Variants in SLC25A48 observed in about 807,000 individuals in gnomAD.
SLC25A48 encodes solute carrier family 25 member 48.
In SLC25A48, 29 loss-of-function variants were observed where a neutral mutation model predicts 32.2. The ratio of observed to expected loss-of-function variants is 0.90; its 90% CI spans 0.67 to 1.23. SLC25A48 has a LOEUF of 1.23. SLC25A48 is among the 50% of genes most tolerant of loss of function. The probability of loss-of-function intolerance (pLI) is 0.00; values close to 1 mark genes in which losing one functional copy is unlikely to be tolerated. For missense variants in SLC25A48, 399 were observed against 422.7 expected, an observed-to-expected ratio of 0.94 and a Z score of 0.49; for synonymous variants, 164 against 172.3, an observed-to-expected ratio of 0.95 and a Z score of 0.38.
At chr5:135,880,137 A>G (rs1762358834) in intron 7 of SLC25A48, 40 bp downstream of exon 7, 10 of 1,498,654 alleles carry the variant, frequency 6.7e-6, no homozygotes, top group Non-Finnish European at 8.8e-6. Context: ...GCCTCCCAGG[A>G]ACTTGAAACT....
intron 3 of SLC25A48, 91 bp from the exon 4 acceptor site, chr5:135,852,472 A>G: frequency 7.0e-7 from 1 of 1,424,002 alleles, no homozygotes; most frequent in Non-Finnish European, 9.6e-7. Context: ...ACACATGGGC[A>G]GATGTGTCCG....
intron 3 of SLC25A48, among the ~76,000 whole-genome samples, chr5:135,767,269 G>C (rs1372006220): frequency 6.6e-6 from 1 of 151,690 alleles, no homozygotes; most frequent in Non-Finnish European, 1.5e-5. Flanking sequence ...TCTTCATATG[G>C]TTCGTAATGT....
chr5:135,851,998 A>G (rs1309200778), intron 3 of SLC25A48, among the ~76,000 whole-genome samples: 7 of 152,140 alleles, frequency 4.6e-5, no homozygotes, highest in African/African-American at 1.7e-4. Context: ...TCGGGGGTCT[A>G]GGGAACCCCT....
intron 1 of SLC25A48, among the ~76,000 whole-genome samples, chr5:135,588,366 G>T (rs1047975577): frequency 3.3e-5 from 5 of 152,222 alleles, no homozygotes; most frequent in African/African-American, 1.2e-4. Flanking sequence ...GCCATCCTTG[G>T]CCTGAAATGG....
chr5:135,623,795 G>A (rs2126900899), intron 1 of SLC25A48, among the ~76,000 whole-genome samples: 1 of 152,310 alleles, frequency 6.6e-6, no homozygotes, highest in East Asian at 1.9e-4. Flanking sequence ...TCACTCAACA[G>A]TGTGTGGTGC....
intron 3 of SLC25A48, among the ~76,000 whole-genome samples, chr5:135,755,467 C>T (rs2127012304): frequency 6.6e-6 from 1 of 151,590 alleles, no homozygotes; most frequent in South Asian, 2.1e-4. Context: ...GTAAATATTG[C>T]TGTGATACTT....
chr5:135,785,487 G>A (rs956010880), intron 3 of SLC25A48, among the ~76,000 whole-genome samples: 1 of 148,428 alleles, frequency 6.7e-6, no homozygotes, highest in African/African-American at 2.5e-5. Context: ...CCAGGCGGGA[G>A]GGGGTGATAT....
chr5:135,603,611 C>CA (rs1461220427), intron 1 of SLC25A48, among the ~76,000 whole-genome samples: 1 of 152,226 alleles, frequency 6.6e-6, no homozygotes, highest in Non-Finnish European at 1.5e-5. Context: ...CTGACCTCCT[C>CA]AAGTGCAGGC....
chr5:135,858,376 A>G (rs1254866977), intron 4 of SLC25A48, among the ~76,000 whole-genome samples: 2 of 152,236 alleles, frequency 1.3e-5, no homozygotes, highest in Non-Finnish European at 2.9e-5. Flanking sequence ...GAGGGAGAGT[A>G]AAAGCCAAGA....
At chr5:135,765,283 A>G (rs75705720) in intron 3 of SLC25A48, among the ~76,000 whole-genome samples, 1,686 of 151,398 alleles carry the variant, frequency 0.011, 28 homozygotes, top group African/African-American at 0.039. Flanking sequence ...ATGATTTGTG[A>G]TATTCAGGGG....
intron 3 of SLC25A48, among the ~76,000 whole-genome samples, chr5:135,753,206 G>A (rs557528642): frequency 2.0e-5 from 3 of 152,016 alleles, no homozygotes; most frequent in South Asian, 4.2e-4. Flanking sequence ...TGCATAATAT[G>A]TGTACACCCA....
intron 3 of SLC25A48, among the ~76,000 whole-genome samples, chr5:135,660,064 G>A (rs1252109671): frequency 6.6e-6 from 1 of 152,178 alleles, no homozygotes. Flanking sequence ...CATTCCTTGG[G>A]CCTTTAATTG....
At chr5:135,794,699 G>A (rs1190879102) in intron 3 of SLC25A48, among the ~76,000 whole-genome samples, 1 of 149,116 alleles carries the variant, frequency 6.7e-6, no homozygotes, top group African/African-American at 2.5e-5. Flanking sequence ...GGGAGAGGAT[G>A]ACATTACTTA....
intron 4 of SLC25A48, among the ~76,000 whole-genome samples, chr5:135,867,206 A>G (rs1761271755): frequency 6.6e-6 from 1 of 152,214 alleles, no homozygotes; most frequent in Non-Finnish European, 1.5e-5. Context: ...ATCCTTTCGC[A>G]TATGCATGTA....
intron 1 of SLC25A48, among the ~76,000 whole-genome samples, chr5:135,587,894 G>C (rs1453715573): frequency 1.3e-5 from 2 of 152,252 alleles, no homozygotes; most frequent in Non-Finnish European, 2.9e-5. Flanking sequence ...TGCAAAATCT[G>C]TCCATTGTGA....
intron 1 of SLC25A48, among the ~76,000 whole-genome samples, chr5:135,841,992 G>T: frequency 6.6e-6 from 1 of 152,150 alleles, no homozygotes; most frequent in East Asian, 1.9e-4. Context: ...TCCTTCGGTT[G>T]GTTGTACACT....
chr5:135,727,812 C>T (rs1755123123), intron 3 of SLC25A48, among the ~76,000 whole-genome samples: 1 of 152,140 alleles, frequency 6.6e-6, no homozygotes, highest in Non-Finnish European at 1.5e-5. Context: ...AAAAGTAAGT[C>T]TTGAAATCAG....
At chr5:135,846,671 CAT>C (rs1561528347) in intron 2 of SLC25A48, among the ~76,000 whole-genome samples, 1 of 152,106 alleles carries the variant, frequency 6.6e-6, no homozygotes, top group African/African-American at 2.4e-5. Flanking sequence ...ACATGAAGCT[CAT>C]AGTTTTGGGC....
At chr5:135,773,573 C>A (rs1561486102) in intron 3 of SLC25A48, among the ~76,000 whole-genome samples, 1 of 151,320 alleles carries the variant, frequency 6.6e-6, no homozygotes, top group Non-Finnish European at 1.5e-5. Context: ...TATTACGAAC[C>A]ATATATCAGG....
Sources: gnomAD v4.1 joint callset for allele counts (sites outside exome capture counted in the v4.1 genomes callset) on GRCh38, gnomAD v4.1.1 for gene constraint, MANE v1.5 for transcripts, NCBI Gene and HGNC (gene_info 2026-07-23, HGNC 2026-07-21) for gene names.